PIK3C2G: variants seen among roughly 807,000 people sequenced by gnomAD.
PIK3C2G encodes phosphatidylinositol 3-kinase C2 domain-containing subunit gamma.
A neutral mutation model predicts 181.1 loss-of-function variants in PIK3C2G; 168 were observed. The ratio of observed to expected loss-of-function variants is 0.93; its 90% CI spans 0.82 to 1.05. PIK3C2G has a LOEUF of 1.05. Among genes scored for constraint, PIK3C2G ranks in the 50% least tolerant of loss-of-function variants. The pLI is 0.00. For missense variants in PIK3C2G, 1,869 were observed against 1,732.8 expected (o/e 1.08, Z -1.40); for synonymous variants, 573 against 592.2 (o/e 0.97, Z 0.47).
the PIK3C2G span, among the ~76,000 whole-genome samples, chr12:18,710,097 T>G: frequency 6.6e-6 from 1 of 151,220 alleles, no homozygotes; most frequent in Non-Finnish European, 1.5e-5. Flanking sequence ...TTATGTCATC[T>G]GCAAATAAAC....
At chr12:18,316,329 A>C (rs932131464) in intron 6 of PIK3C2G, among the ~76,000 whole-genome samples, 1 of 152,204 alleles carries the variant, frequency 6.6e-6, no homozygotes, top group Non-Finnish European at 1.5e-5. Flanking sequence ...AATGTTGAGA[A>C]AAAAAGGTGA....
chr12:18,570,606 A>G (rs1361227499), intron 29 of PIK3C2G, among the ~76,000 whole-genome samples: 1 of 150,272 alleles, frequency 6.7e-6, no homozygotes, highest in Non-Finnish European at 1.5e-5. Context: ...TTATTGCAGT[A>G]TAGGGCATTA....
intron 1 of PIK3C2G, among the ~76,000 whole-genome samples, chr12:18,281,396 G>A (rs1949212685): frequency 6.6e-6 from 1 of 151,790 alleles, no homozygotes; most frequent in African/African-American, 2.4e-5. Context: ...ATCAAATCCT[G>A]TGAAGAGATA....
chr12:18,352,034 C>CTTGTTTTATTTTTGTTTTTT (rs2137707133), intron 11 of PIK3C2G, among the ~76,000 whole-genome samples: 1 of 152,174 alleles, frequency 6.6e-6, no homozygotes, highest in East Asian at 1.9e-4. Context: ...CAATATATCC[C>CTTGTTTTATTTTTGTTTTTT]TTTGTTTTAT....
intron 29 of PIK3C2G, among the ~76,000 whole-genome samples, chr12:18,589,036 AATT>A (rs1374097745): frequency 6.6e-6 from 1 of 152,094 alleles, no homozygotes; most frequent in East Asian, 1.9e-4. Context: ...GTGGGAGCTA[AATT>A]ATGAGAACAC....
At chr12:18,552,830 T>C (rs1291743527) in intron 26 of PIK3C2G, among the ~76,000 whole-genome samples, 1 of 152,120 alleles carries the variant, frequency 6.6e-6, no homozygotes, top group Non-Finnish European at 1.5e-5. Context: ...TGTTTTTGAA[T>C]TATATGAATT....
In PIK3C2G at chr12:18,521,494, G is replaced by A. The variant is rs765121919; in HGVS notation, c.3323+16033G>A. Among the ~76,000 whole-genome samples, 8 of 152,184 alleles carry A rather than the reference G, an allele frequency of 5.3e-5. 1 individual carries two copies. The highest frequency in any genetic ancestry group is 1.2e-4 in the Non-Finnish European group (8 of 68,030). On this transcript the variant is annotated intron_variant, in intron 24 of 32. Transcript: ENST00000538779. The stretch of plus-strand genomic sequence containing the variant: ...GGGAGGCCCTGCCCAGTGAGTAGGA[G>A]TGGGTCAGGGTCAGGCATGAAGAGG...
At chr12:18,420,911 A>T in intron 16 of PIK3C2G, 30 bp from the exon 17 acceptor site, 1 of 1,150,300 alleles carries the variant, frequency 8.7e-7, no homozygotes, top group Non-Finnish European at 1.3e-6. Flanking sequence ...TACCATTAAC[A>T]GCTTAGTGGA....
At chr12:18,704,066 G>C in the PIK3C2G span, among the ~76,000 whole-genome samples, 68 of 152,318 alleles carry the variant, frequency 4.5e-4, no homozygotes, top group African/African-American at 1.4e-3. Context: ...AGTGGTCAAA[G>C]AGGAGTGAGG....
chr12:18,693,595 T>C, the PIK3C2G span: 4 of 1,586,378 alleles, frequency 2.5e-6, no homozygotes, highest in Non-Finnish European at 3.5e-6. Flanking sequence ...TGTTTCGAGT[T>C]GCTGAAGAAC....
At chr12:18,331,975 T>C (rs1384751677) in intron 8 of PIK3C2G, among the ~76,000 whole-genome samples, 1 of 152,188 alleles carries the variant, frequency 6.6e-6, no homozygotes, top group Non-Finnish European at 1.5e-5. Context: ...TTTTTATTAC[T>C]GGTATAATTA....
Position 18,293,886 on chromosome 12 carries a change from CCT to C in PIK3C2G, c.920-12_920-11del, listed in dbSNP as rs1949819894. On this transcript the variant is annotated splice_polypyrimidine_tract_variant and intron_variant, in intron 4 of 32. Transcript: ENST00000538779. The stretch of plus-strand genomic sequence containing the variant: ...TACACTTTTATTGACTTTTATTATT[CCT>C]CTTTTTCTTTAGCTAATTATCTTGT... 8.0e-7 allele frequency: 1 copy of C among 1,255,676 alleles called. No homozygotes were observed. Among genetic ancestry groups the C allele is most frequent in the Non-Finnish European group, 1.2e-6 (1 of 855,736 alleles). The allele number at this position is 1,255,676 out of a possible 1,614,324, so 77.8% of individuals were successfully genotyped here. A position where few individuals can be genotyped will look rare whatever the true frequency, so the allele number is the denominator to read the frequency against.
At chr12:18,635,924 C>T (rs747344455) in intron 31 of PIK3C2G, among the ~76,000 whole-genome samples, 16 of 152,094 alleles carry the variant, frequency 1.1e-4, no homozygotes, top group Non-Finnish European at 2.2e-4. Context: ...AACAACGTAC[C>T]CTTTATCTTA....
At chr12:18,292,227 A>AAAAAAAAAATATATATATATAT in intron 4 of PIK3C2G, among the ~76,000 whole-genome samples, 1 of 48,734 alleles carries the variant, frequency 2.1e-5, no homozygotes, top group African/African-American at 1.1e-4. Flanking sequence ...AAAAAAAAAA[A>AAAAAAAAAATATATATATATAT]ATATATATAT....
chr12:18,423,281 T>C (rs1056734189), intron 17 of PIK3C2G, among the ~76,000 whole-genome samples: 2 of 151,994 alleles, frequency 1.3e-5, no homozygotes, highest in East Asian at 1.9e-4. Flanking sequence ...ATATACAGAT[T>C]CCTGGGATGA....
the PIK3C2G span, among the ~76,000 whole-genome samples, chr12:18,657,378 A>G: frequency 1.8e-3 from 279 of 152,318 alleles, 1 homozygote; most frequent in African/African-American, 6.5e-3. Flanking sequence ...GAGAAGATCC[A>G]GAGCTCTTGT....
chr12:18,314,091 A>G (rs368200121), intron 6 of PIK3C2G, 27 bp downstream of exon 6: 1 of 1,184,268 alleles, frequency 8.4e-7, no homozygotes, highest in African/African-American at 1.5e-5. Context: ...ATTGGTTTCA[A>G]TTGGCAAACT....
chr12:18,511,664 A>G (rs1942215670), intron 24 of PIK3C2G, among the ~76,000 whole-genome samples: 1 of 151,326 alleles, frequency 6.6e-6, no homozygotes, highest in African/African-American at 2.4e-5. Context: ...TTTAATGTTT[A>G]TTTGTTTTCT....
chr12:18,474,817 G>A (rs1938812454), intron 18 of PIK3C2G, among the ~76,000 whole-genome samples: 1 of 151,998 alleles, frequency 6.6e-6, no homozygotes, highest in Non-Finnish European at 1.5e-5. Context: ...TTAAATTCTG[G>A]TTGAGTTAAT....
Sources: allele counts gnomAD v4.1 joint callset (sites outside exome capture counted in the v4.1 genomes callset), GRCh38; gene constraint gnomAD v4.1.1; transcripts MANE v1.5; gene names NCBI Gene and HGNC (gene_info 2026-07-23, HGNC 2026-07-21).